Variants in MAP2K1 observed in about 807,000 individuals in gnomAD.
MAP2K1 encodes the protein mitogen-activated protein kinase kinase 1.
A neutral mutation model predicts 46.3 loss-of-function variants in MAP2K1; 16 were observed. That is an observed-to-expected ratio of 0.35 (90% CI 0.23 to 0.52). The LOEUF is 0.52. Ranked by LOEUF, MAP2K1 falls within the 20% of genes least tolerant of loss-of-function variation. The pLI is 0.94. For synonymous variants in MAP2K1, 183 were observed against 185.6 expected, an observed-to-expected ratio of 0.99 and a Z score of 0.11; for missense variants, 263 against 497.1, an observed-to-expected ratio of 0.53 and a Z score of 4.48.
chr15:66,425,107 T>C (rs2093454417), intron 1 of MAP2K1, among the ~76,000 whole-genome samples: 1 of 152,136 alleles, frequency 6.6e-6, no homozygotes, highest in Admixed American at 6.5e-5. Flanking sequence ...CCCGTCTCCA[T>C]CTTTAGCAGA....
chr15:66,422,870 T>C (rs993235523), intron 1 of MAP2K1, among the ~76,000 whole-genome samples: 2 of 152,230 alleles, frequency 1.3e-5, no homozygotes, highest in African/African-American at 2.4e-5. Flanking sequence ...TGTTAGACGA[T>C]TGGATCTTGT....
chr15:66,409,789 C>T (rs982685078), intron 1 of MAP2K1, among the ~76,000 whole-genome samples: 2 of 152,160 alleles, frequency 1.3e-5, no homozygotes, highest in Admixed American at 1.3e-4. Context: ...TATATCTAGG[C>T]TGATAAGGTG....
Position 66,490,576 on chromosome 15 carries a change from T to A in MAP2K1, c.1143T>A (p.Leu381=), listed in dbSNP as rs758866695. 1 of 1,614,194 alleles carries A rather than the reference T, an allele frequency of 6.2e-7. No individual in the cohort carries two copies. Among genetic ancestry groups the A allele is most frequent in the East Asian group, 2.2e-5 (1 of 44,884 alleles). Residue 381 remains leucine (L), a synonymous_variant, in exon 11 of 11, where the codon CTT becomes CTA. Transcript: ENST00000307102. ...FAGWLCSTIG[L]NQPSTPTHAA... ...GTTGGCTCTGCTCCACCATCGGCCT[T>A]AACCAGCCCAGCACACCAACCCATG...
rs547834238 is a variant in MAP2K1 at position 66,434,735 on chromosome 15, T to C, written c.81-292T>C. Reference sequence around the variant, plus strand: ...GTGGCTCATTCTGGATTTTAGTAGGTTCTTTTGTTCCTCTCATTGACTTGC... The same window carrying C: ...GTGGCTCATTCTGGATTTTAGTAGGCTCTTTTGTTCCTCTCATTGACTTGC... On this transcript the variant is annotated intron_variant, in intron 1 of 10. Transcript: ENST00000307102. Among the ~76,000 whole-genome samples, 87 of 152,328 alleles carry C rather than the reference T, an allele frequency of 5.7e-4. 3 individuals are homozygous for C. The South Asian group carries it at 0.018, about 31-fold the overall frequency.
At chr15:66,476,769 G>T (rs1478243883) in intron 5 of MAP2K1, among the ~76,000 whole-genome samples, 1 of 152,214 alleles carries the variant, frequency 6.6e-6, no homozygotes, top group African/African-American at 2.4e-5. Context: ...TAGGCGGGGG[G>T]AGGGAGAAGA....
chr15:66,457,855 C>T (rs2140627231), intron 5 of MAP2K1, among the ~76,000 whole-genome samples: 1 of 151,606 alleles, frequency 6.6e-6, no homozygotes, highest in South Asian at 2.1e-4. Context: ...CCCAGCTACT[C>T]AGGAGCCTGA....
chr15:66,470,107 T>TTTTTTTTTTTTG, intron 5 of MAP2K1, among the ~76,000 whole-genome samples: 1 of 142,574 alleles, frequency 7.0e-6, no homozygotes, highest in African/African-American at 2.6e-5. Context: ...TTTTTTTTTT[T>TTTTTTTTTTTTG]TTTTTTTTTT....
chr15:66,443,141 C>A, intron 3 of MAP2K1, 139 bp from the exon 4 acceptor site: 1 of 498,956 alleles, frequency 2.0e-6, no homozygotes, highest in Middle Eastern at 4.5e-4. Context: ...AGGCTGAGTG[C>A]AGTGGTGTGA....
At chr15:66,478,253 A>C (rs115481203) in intron 5 of MAP2K1, among the ~76,000 whole-genome samples, 1 of 146,892 alleles carries the variant, frequency 6.8e-6, no homozygotes, top group Admixed American at 6.9e-5. Flanking sequence ...TATATATATA[A>C]AAATCTGTGT....
intron 5 of MAP2K1, among the ~76,000 whole-genome samples, chr15:66,469,411 T>C: frequency 6.6e-6 from 1 of 150,610 alleles, no homozygotes; most frequent in East Asian, 2.0e-4. Context: ...AACTTGTTTA[T>C]ACTCTTGGGG....
intron 5 of MAP2K1, among the ~76,000 whole-genome samples, chr15:66,480,575 A>G (rs1892889892): frequency 6.6e-6 from 1 of 152,224 alleles, no homozygotes; most frequent in Non-Finnish European, 1.5e-5. Flanking sequence ...GTGTCTAAAA[A>G]AAAATAATAA....
intron 1 of MAP2K1, among the ~76,000 whole-genome samples, chr15:66,431,838 A>C (rs188699711): frequency 6.6e-5 from 10 of 152,110 alleles, no homozygotes; most frequent in Admixed American, 1.3e-4. Flanking sequence ...ATTCTTCCTG[A>C]TGCTCTCTCT....
At chr15:66,460,144 T>G in intron 5 of MAP2K1, among the ~76,000 whole-genome samples, 1 of 152,244 alleles carries the variant, frequency 6.6e-6, no homozygotes, top group Non-Finnish European at 1.5e-5. Context: ...TCCTTTTGAC[T>G]GTGTCAGACT....
intron 5 of MAP2K1, among the ~76,000 whole-genome samples, chr15:66,449,670 C>G (rs1891981954): frequency 6.6e-6 from 1 of 152,164 alleles, no homozygotes; most frequent in African/African-American, 2.4e-5. Context: ...CACCTGAGGT[C>G]ATGAGTTTGA....
intron 5 of MAP2K1, among the ~76,000 whole-genome samples, chr15:66,459,583 A>G (rs960232762): frequency 6.7e-6 from 1 of 150,066 alleles, no homozygotes; most frequent in African/African-American, 2.5e-5. Flanking sequence ...ACACCACTGC[A>G]CTCCAGTCTG....
At chr15:66,452,851 A>G (rs188973919) in intron 5 of MAP2K1, among the ~76,000 whole-genome samples, 5 of 152,364 alleles carry the variant, frequency 3.3e-5, no homozygotes, top group African/African-American at 7.2e-5. Context: ...TTTGGTTTCT[A>G]TATGTGTAAA....
At chr15:66,461,087 C>T (rs1892307359) in intron 5 of MAP2K1, among the ~76,000 whole-genome samples, 1 of 152,132 alleles carries the variant, frequency 6.6e-6, no homozygotes, top group Non-Finnish European at 1.5e-5. Flanking sequence ...CCTAAGAGAG[C>T]TGGTTTGATT....
intron 1 of MAP2K1, among the ~76,000 whole-genome samples, chr15:66,417,680 G>A (rs1323933727): frequency 6.6e-6 from 1 of 152,142 alleles, no homozygotes; most frequent in East Asian, 1.9e-4. Flanking sequence ...CTGGGGGTAG[G>A]GTTTTTTCCC....
Position 66,427,473 on chromosome 15 carries a change from TGTGTGAACCCAGGAGGCG to T in MAP2K1, c.81-7552_81-7535del, listed in dbSNP as rs528136340. ...GCTCAGGAGGCTGAGGCAGGAGAAT[TGTGTGAACCCAGGAGGCG>T]GAGCTTGCAGTGAGCCAAGATGCAC... On this transcript the variant is annotated intron_variant, in intron 1 of 10. Coordinates refer to ENST00000307102, the MANE Select transcript of MAP2K1 (RefSeq NM_002755.4). Among the ~76,000 whole-genome samples the T allele has an allele frequency of 3.1e-3, 465 of 150,266 alleles. 1 individual carries two copies. Among genetic ancestry groups the T allele is most frequent in the African/African-American group, 0.011 (445 of 40,886 alleles).
Sources: gnomAD v4.1 joint callset for allele counts (sites outside exome capture counted in the v4.1 genomes callset) on GRCh38, gnomAD v4.1.1 for gene constraint, MANE v1.5 for transcripts, NCBI Gene and HGNC (gene_info 2026-07-23, HGNC 2026-07-21) for gene names.